The following FBXL5 variants were observed in gnomAD, a reference collection of about 807,000 sequenced individuals.
FBXL5 encodes the protein F-box/LRR-repeat protein 5.
In FBXL5, 26 loss-of-function variants were observed where a neutral mutation model predicts 78.3. The ratio of observed to expected loss-of-function variants is 0.33; its 90% confidence interval spans 0.24 to 0.46. The LOEUF is 0.46. Ranked by LOEUF, FBXL5 falls within the 20% of genes least tolerant of loss-of-function variation. The pLI is 1.00. For synonymous variants in FBXL5, 295 were observed against 282.5 expected, an observed-to-expected ratio of 1.04 and a Z score of -0.45; for missense variants, 710 against 829.2, an observed-to-expected ratio of 0.86 and a Z score of 1.77.
chr4:15,628,380 T>G (rs1713280391), intron 6 of FBXL5, among the ~76,000 whole-genome samples: 1 of 152,194 alleles, frequency 6.6e-6, no homozygotes, highest in South Asian at 2.1e-4. Flanking sequence ...AGGAAGGTAC[T>G]TTAGAATTTC....
chr4:15,631,577 C>T (rs1713672033), intron 5 of FBXL5, among the ~76,000 whole-genome samples: 1 of 151,948 alleles, frequency 6.6e-6, no homozygotes, highest in South Asian at 2.1e-4. Context: ...TCTCCAGCAT[C>T]TGTTGTTTCC....
rs1460720160 is a variant in FBXL5, at chr4:15,652,973, CCTTT to C, written c.84+2227_84+2230del. On this transcript the variant is annotated intron_variant, in intron 1 of 10. Transcript: ENST00000341285. ...GGATAAAAACAAACAAGGTACTCTT[CCTTT>C]AATTCCTTTAAGATTACTGAACCAT... 3.3e-5 allele frequency among the ~76,000 whole-genome samples: 5 copies of C among 152,128 alleles called. No homozygotes were observed. In the East Asian group the frequency reaches 7.7e-4, roughly 23 times the overall value.
At chr4:15,656,201 G>A (rs1305838008), upstream of FBXL5, 19 of 456,142 alleles carry the variant, frequency 4.2e-5, no homozygotes, top group Non-Finnish European at 7.9e-5. Flanking sequence ...TTTAAGCGGA[G>A]GTTCGGAGAG....
rs758915377 is a variant in FBXL5, at chr4:15,627,851, C to G, written c.1041+34G>C. ...ACCAAACTCTTATCATGCTGTTTTT[C>G]TTAATACCCAAACTAGTGTTAATTT... On this transcript the variant is annotated intron_variant, in intron 7 of 10. Transcript: ENST00000341285. 15 of 1,582,786 alleles carry G rather than the reference C, an allele frequency of 9.5e-6. No individual in the cohort carries two copies. In the South Asian group the frequency reaches 1.7e-4, roughly 18 times the overall value.
At chr4:15,618,712 C>T (rs112318284) in intron 9 of FBXL5, among the ~76,000 whole-genome samples, 2,471 of 152,096 alleles carry the variant, frequency 0.016, 68 homozygotes, top group African/African-American at 0.056. Context: ...CGTGGTGGCA[C>T]GTGCCTGTAA....
At chr4:15,619,136 C>T (rs1300020651) in intron 9 of FBXL5, among the ~76,000 whole-genome samples, 2 of 152,158 alleles carry the variant, frequency 1.3e-5, no homozygotes, top group African/African-American at 2.4e-5. Flanking sequence ...GCATTCCCAA[C>T]TGGGTGACAG....
At chr4:15,612,454 T>G (rs764282897) in intron 9 of FBXL5, 40 bp from the exon 10 acceptor site, 1 of 1,542,642 alleles carries the variant, frequency 6.5e-7, no homozygotes, top group Non-Finnish European at 8.7e-7. Flanking sequence ...GATACTAATC[T>G]ATAAAAATGT....
intron 9 of FBXL5, among the ~76,000 whole-genome samples, chr4:15,619,375 A>C (rs531718217): frequency 1.3e-5 from 2 of 152,306 alleles, no homozygotes; most frequent in East Asian, 1.9e-4. Flanking sequence ...GTTTTTATCA[A>C]CTTTCAGTAT....
chr4:15,664,339 C>A (rs543931007), upstream of FBXL5, among the ~76,000 whole-genome samples: 154 of 152,174 alleles, frequency 1.0e-3, 1 homozygote, highest in Non-Finnish European at 2.0e-3. Flanking sequence ...ACCAAACCAG[C>A]TAGTCAGCAA....
At chr4:15,641,556 A>T (rs893087392) in intron 2 of FBXL5, 1 of 453,686 alleles carries the variant, frequency 2.2e-6, no homozygotes, top group Non-Finnish European at 4.4e-6. Flanking sequence ...TATATTTTAC[A>T]TATAATACAT....
chr4:15,628,431 T>C (rs943551349), intron 6 of FBXL5, among the ~76,000 whole-genome samples: 8 of 152,182 alleles, frequency 5.3e-5, no homozygotes, highest in African/African-American at 1.4e-4. Context: ...TTTTACTTAA[T>C]AACTTCTGTA....
At chr4:15,626,068 A>G (rs1713031027) in intron 8 of FBXL5, 91 bp from the exon 9 acceptor site, 3 of 1,139,534 alleles carry the variant, frequency 2.6e-6, no homozygotes, top group Non-Finnish European at 3.6e-6. Flanking sequence ...CAGAAGAAAG[A>G]TTTGACATCT....
At position 15,612,315 on chromosome 4, in the gene FBXL5, T is replaced by G; in HGVS notation, c.1950A>C (p.Ala650=). 6.2e-7 allele frequency: 1 copy of G among 1,612,594 alleles called. No individual in the cohort carries two copies. The highest frequency in any genetic ancestry group is 8.5e-7 in the Non-Finnish European group (1 of 1,179,296). The part of the protein sequence containing the change: ...TGAGLQDLVS[A]CPSLNDEYFY... The stretch of plus-strand genomic sequence containing the variant: ...AGTATTCATCATTCAGAGAAGGACA[T>G]GCTGAAACCAAATCCTGCAGGCCTG... The change falls in exon 10 of 11, where the codon GCA becomes GCC. Residue 650 remains alanine, a synonymous_variant. Transcript: ENST00000341285.
In FBXL5 at chr4:15,655,353, G is replaced by A. The variant is rs1223290921; in HGVS notation, c.-66C>T. Reference sequence around the variant, plus strand: ...GCCTCTCCATAGACACCCTCGCCGCGGGGCAGAGGCGGCGCGCCCCCTTGC... The same window carrying A: ...GCCTCTCCATAGACACCCTCGCCGCAGGGCAGAGGCGGCGCGCCCCCTTGC... On this transcript the variant is annotated 5_prime_UTR_variant, in exon 1 of 11. Transcript: ENST00000341285. 8.3e-7 allele frequency: 1 copy of A among 1,211,544 alleles called. No homozygotes were observed. The highest frequency in any genetic ancestry group is 2.0e-5 in the South Asian group (1 of 50,372). The allele number at this position is 1,211,544 out of a possible 1,614,324, so 75.0% of individuals were successfully genotyped here. A position where few individuals can be genotyped will look rare whatever the true frequency, so the allele number is the denominator to read the frequency against.
At chr4:15,667,901 C>T (rs1346332120) in intron 1 of FBXL5, among the ~76,000 whole-genome samples, 1 of 151,878 alleles carries the variant, frequency 6.6e-6, no homozygotes, top group African/African-American at 2.4e-5. Flanking sequence ...ATTAGCCAGG[C>T]GTGGTGGCGG....
chr4:15,671,928 G>C (rs772867212), intron 1 of FBXL5, among the ~76,000 whole-genome samples: 8 of 152,074 alleles, frequency 5.3e-5, no homozygotes, highest in Non-Finnish European at 1.0e-4. Context: ...TCTACTTTTT[G>C]AACATATGGA....
At chr4:15,650,694 G>T in intron 1 of FBXL5, among the ~76,000 whole-genome samples, 1 of 113,240 alleles carries the variant, frequency 8.8e-6, no homozygotes, top group Non-Finnish European at 1.6e-5. Flanking sequence ...TTGAGACAGA[G>T]TCTCACTCTG....
chr4:15,645,402 T>TAC (rs1715252232), intron 1 of FBXL5, among the ~76,000 whole-genome samples: 1 of 152,204 alleles, frequency 6.6e-6, no homozygotes, highest in Non-Finnish European at 1.5e-5. Flanking sequence ...ATTACTTAAC[T>TAC]GTGTAACCCT....
At chr4:15,627,729 A>C (rs1305577036) in intron 7 of FBXL5, among the ~76,000 whole-genome samples, 156 bp downstream of exon 7, 1 of 152,222 alleles carries the variant, frequency 6.6e-6, no homozygotes, top group Non-Finnish European at 1.5e-5. Context: ...CTGCAATGAA[A>C]TAATAAGTAA....
Sources: allele counts gnomAD v4.1 joint callset (sites outside exome capture counted in the v4.1 genomes callset), GRCh38; gene constraint gnomAD v4.1.1; transcripts MANE v1.5; gene names NCBI Gene and HGNC (gene_info 2026-07-23, HGNC 2026-07-21).